TRPM8: variants seen among roughly 807,000 people sequenced by gnomAD.
TRPM8 encodes TRPM8 cationic channel.
In TRPM8, 110 loss-of-function variants were observed where a neutral mutation model predicts 133.7. The observed-to-expected ratio is 0.82, with a 90% confidence interval of 0.70 to 0.96. The LOEUF (loss-of-function observed/expected upper bound fraction) is 0.96, where lower values mean the gene tolerates loss of function less well. Ranked by LOEUF, TRPM8 falls within the 40% of genes least tolerant of loss-of-function variation. The pLI, the probability that TRPM8 is intolerant of heterozygous loss-of-function variation, is 0.00. For missense variants in TRPM8, 1,291 were observed against 1,379.5 expected, an observed-to-expected ratio of 0.94 and a Z score of 1.02; for synonymous variants, 535 against 532.3, an observed-to-expected ratio of 1.01 and a Z score of -0.07.
intron 22 of TRPM8, among the ~76,000 whole-genome samples, chr2:233,998,212 C>CA (rs532578017): frequency 2.5e-3 from 382 of 152,268 alleles, no homozygotes; most frequent in African/African-American, 8.6e-3. Flanking sequence ...CACAGGACCT[C>CA]AGGGGCTCCT....
At chr2:233,961,217 T>A (rs748122741) in intron 12 of TRPM8, 151 bp downstream of exon 12, 99 of 756,838 alleles carry the variant, frequency 1.3e-4, no homozygotes, top group Non-Finnish European at 1.8e-4. Flanking sequence ...TTATTTAAGA[T>A]AAGGTGTCTG....
rs1261629691 is a variant in TRPM8, at chr2:233,927,902, CTT to C, written c.117+1250_117+1251del. On this transcript the variant is annotated intron_variant, in intron 2 of 25. Transcript: ENST00000324695. ...TCTTTCTTTCTTTCTTTCTTTCTTTCTTTCTTTCTCTCTCTCTCTCTTTCTCT... is the reference window on the plus strand; with the variant it reads ...TCTTTCTTTCTTTCTTTCTTTCTTTCTCTTTCTCTCTCTCTCTCTTTCTCT... Among the ~76,000 whole-genome samples, 37 of 67,592 alleles carry C rather than the reference CTT, an allele frequency of 5.5e-4. 1 individual carries two copies. Among genetic ancestry groups the C allele is most frequent in the South Asian group, 5.4e-3 (9 of 1,676 alleles). The allele number at this position is 67,592 out of a possible 152,430, so 44.3% of individuals were successfully genotyped here. A position where few individuals can be genotyped will look rare whatever the true frequency, so the allele number is the denominator to read the frequency against.
intron 7 of TRPM8, 88 bp from the exon 8 acceptor site, chr2:233,947,000 G>A (rs1691060013): frequency 8.4e-7 from 1 of 1,191,686 alleles, no homozygotes; most frequent in Non-Finnish European, 1.2e-6. Context: ...TAGGCTCACA[G>A]GGCAGAAGCT....
chr2:233,933,111 A>G (rs931417466), intron 3 of TRPM8, among the ~76,000 whole-genome samples: 3 of 151,972 alleles, frequency 2.0e-5, no homozygotes. Context: ...CACTATGGGT[A>G]GTAAGCTCCT....
intron 12 of TRPM8, among the ~76,000 whole-genome samples, chr2:233,961,469 C>A (rs1691435376): frequency 6.6e-6 from 1 of 152,032 alleles, no homozygotes; most frequent in Non-Finnish European, 1.5e-5. Context: ...CCACGTGTGG[C>A]TAATTTTTGT....
chr2:233,954,814 G>A (rs1012570162), intron 10 of TRPM8, among the ~76,000 whole-genome samples: 10 of 152,190 alleles, frequency 6.6e-5, no homozygotes, highest in South Asian at 4.1e-4. Flanking sequence ...GCATAAGTCA[G>A]ATATGGCCTT....
At position 233,927,791 on chromosome 2, in the gene TRPM8, T is replaced by TTCCTTCCTTCCTTTC. The variant is rs1165462842; in HGVS notation, c.117+1138_117+1139insCCTTCCTTCCTTTCT. The stretch of plus-strand genomic sequence containing the variant: ...CTTTCTTTCTTTCTTTCTTTCTTTC[T>TTCCTTCCTTCCTTTC]TTTCTTTCCTTCCTTCCTTCCTTCC... On this transcript the variant is annotated intron_variant, in intron 2 of 25. Coordinates refer to ENST00000324695, the MANE Select transcript of TRPM8 (RefSeq NM_024080.5). 5.4e-4 allele frequency among the ~76,000 whole-genome samples: 16 copies of TTCCTTCCTTCCTTTC among 29,616 alleles called. 3 individuals are homozygous for TTCCTTCCTTCCTTTC. The highest frequency in any genetic ancestry group is 3.1e-3 in the South Asian group (2 of 642). 19.4% of individuals were successfully genotyped at this position (29,616 alleles called of 152,430 possible).
chr2:233,992,215 T>G (rs1431366936), intron 21 of TRPM8, among the ~76,000 whole-genome samples: 1 of 151,160 alleles, frequency 6.6e-6, no homozygotes, highest in Non-Finnish European at 1.5e-5. Context: ...ATTACTTTTC[T>G]TTTTTTTTCT....
rs1559532571 is a variant in TRPM8 at position 233,966,246 on chromosome 2, T to TG, written c.1880-364_1880-363insG. 7.7e-4 allele frequency: 79 copies of TG among 102,530 alleles called. 1 individual carries two copies. In the East Asian group the frequency reaches 0.016, roughly 21 times the overall value. The allele number at this position is 102,530 out of a possible 1,614,324, so 6.4% of individuals were successfully genotyped here. On this transcript the variant is annotated intron_variant, in intron 14 of 25. Coordinates refer to ENST00000324695, the MANE Select transcript of TRPM8 (RefSeq NM_024080.5). ...AAGGGCTGCTCTGATTACGGGGGGG[T>TG]CGGGGGGCGGCGGTGGGGAGGTGCA... is the stretch of plus-strand genomic sequence containing the variant.
At chr2:233,935,276 C>T (rs1691767698) in intron 3 of TRPM8, among the ~76,000 whole-genome samples, 1 of 152,212 alleles carries the variant, frequency 6.6e-6, no homozygotes, top group South Asian at 2.1e-4. Context: ...TTGGTTCAGC[C>T]TGTGCAGGGG....
chr2:234,012,154 GT>G (rs34984521), intron 24 of TRPM8, among the ~76,000 whole-genome samples: 46,575 of 140,188 alleles, frequency 0.33, 7,140 homozygotes, highest in East Asian at 0.52. Flanking sequence ...AGTTCTAACA[GT>G]TTTTTTTTTT....
intron 17 of TRPM8, among the ~76,000 whole-genome samples, chr2:233,978,195 TATAGTGTGTGTGTGTG>T (rs1156542517): frequency 1.1e-5 from 1 of 89,494 alleles, no homozygotes; most frequent in African/African-American, 4.6e-5. Context: ...AATGGAATAT[TATAGTGTGTGTGTGTG>T]TGTGTGTGTG....
chr2:233,926,144 T>A (rs903053708), intron 1 of TRPM8, among the ~76,000 whole-genome samples: 1 of 152,328 alleles, frequency 6.6e-6, no homozygotes, highest in South Asian at 2.1e-4. Context: ...CCCTTCATCC[T>A]CAATTCATTA....
chr2:233,942,816 C>G (rs771635256), intron 6 of TRPM8, 68 bp downstream of exon 6: 10 of 1,595,878 alleles, frequency 6.3e-6, no homozygotes. Flanking sequence ...GGCCTGTGGC[C>G]TGAACCCTGG....
chr2:233,991,514 T>C (rs975527027), intron 21 of TRPM8, among the ~76,000 whole-genome samples: 1 of 152,226 alleles, frequency 6.6e-6, no homozygotes, highest in African/African-American at 2.4e-5. Context: ...GCCTGTGTGC[T>C]GGGGAAGGAG....
rs560753535 is a variant in TRPM8, at chr2:234,001,681, GT to G, written c.3130+5166del. ...CCCTTAGCACCTATAAAAATAAATA[GT>G]GTAAAAGCAGTCCTCTTGCAGGAGG... On this transcript the variant is annotated intron_variant, in intron 22 of 25. Transcript: ENST00000324695. Among the ~76,000 whole-genome samples the G allele has an allele frequency of 9.5e-4, 144 of 152,328 alleles. 1 individual carries two copies. Among genetic ancestry groups the G allele is most frequent in the South Asian group, 2.5e-3 (12 of 4,834 alleles).
At chr2:233,946,977 T>C in intron 7 of TRPM8, 111 bp from the exon 8 acceptor site, 1 of 891,422 alleles carries the variant, frequency 1.1e-6, no homozygotes, top group Non-Finnish European at 1.8e-6. Flanking sequence ...TGTGAAGCTA[T>C]CTCTCCACAC....
At chr2:233,954,148 A>G in intron 10 of TRPM8, 129 bp downstream of exon 10, 1 of 574,188 alleles carries the variant, frequency 1.7e-6, no homozygotes, top group East Asian at 3.1e-5. Context: ...ATGATCCTAG[A>G]TTGGAAGCTA....
chr2:233,943,067 CTTTTTTTT>C (rs67315288), intron 6 of TRPM8: 4 of 178,546 alleles, frequency 2.2e-5, no homozygotes, highest in South Asian at 9.2e-5. Flanking sequence ...ACTGCAGTAT[CTTTTTTTT>C]TTTTTTTTTT....
Sources: gnomAD v4.1 joint callset for allele counts (sites outside exome capture counted in the v4.1 genomes callset) on GRCh38, gnomAD v4.1.1 for gene constraint, MANE v1.5 for transcripts, NCBI Gene and HGNC (gene_info 2026-07-23, HGNC 2026-07-21) for gene names.